TSHZ2: variants seen among roughly 807,000 people sequenced by gnomAD.
TSHZ2 encodes teashirt homolog 2.
A neutral mutation model predicts 74.4 loss-of-function variants in TSHZ2; 21 were observed. The observed-to-expected ratio is 0.28, with a 90% confidence interval of 0.20 to 0.41. The LOEUF (loss-of-function observed/expected upper bound fraction) is 0.41. Among genes scored for constraint, TSHZ2 ranks in the 10% least tolerant of loss-of-function variants. The pLI, the probability that TSHZ2 is intolerant of heterozygous loss-of-function variation, is 1.00. For synonymous variants in TSHZ2, 540 were observed against 515.3 expected (o/e 1.05, Z -0.65); for missense variants, 1,244 against 1,293.5 (o/e 0.96, Z 0.59).
chr20:53,267,866 T>C (rs1447717591), intron 2 of TSHZ2, among the ~76,000 whole-genome samples: 4 of 152,198 alleles, frequency 2.6e-5, no homozygotes, highest in African/African-American at 9.6e-5. Flanking sequence ...AAATAGGCAT[T>C]TTTATTACTA....
chr20:53,165,272 C>G (rs1173556623), intron 1 of TSHZ2, among the ~76,000 whole-genome samples: 1 of 152,180 alleles, frequency 6.6e-6, no homozygotes, highest in Admixed American at 6.5e-5. Flanking sequence ...AGGCAAGTGT[C>G]ACTAATTTTT....
At position 53,488,281 on chromosome 20, in the gene TSHZ2, T is replaced by C. The variant is rs769458116; in HGVS notation, c.*1146T>C. 1 of 152,246 alleles carries C rather than the reference T, an allele frequency of 6.6e-6. No homozygotes were observed. The highest frequency in any genetic ancestry group is 2.1e-4 in the South Asian group (1 of 4,830). 9.4% of individuals were successfully genotyped at this position (152,246 alleles called of 1,614,324 possible). A position where few individuals can be genotyped will look rare whatever the true frequency, so the allele number is the denominator to read the frequency against. On this transcript the variant is annotated 3_prime_UTR_variant, in exon 3 of 3. Transcript: ENST00000371497. ...ACGTAAAAATTCCAATAGAACTGTA[T>C]TAGATTTTCTCCATTAAATTAACGT...
chr20:53,439,553 G>T (rs888341763), intron 2 of TSHZ2, among the ~76,000 whole-genome samples: 1 of 152,168 alleles, frequency 6.6e-6, no homozygotes, highest in African/African-American at 2.4e-5. Flanking sequence ...AGGAGATAAG[G>T]ACAGGAACAC....
intron 1 of TSHZ2, among the ~76,000 whole-genome samples, chr20:53,028,416 G>A (rs1049019235): frequency 9.9e-5 from 15 of 152,204 alleles, no homozygotes; most frequent in African/African-American, 3.1e-4. Context: ...ACCCGGTGGC[G>A]GGAACCCTGG....
intron 1 of TSHZ2, among the ~76,000 whole-genome samples, chr20:53,228,779 C>T (rs564972813): frequency 6.6e-6 from 1 of 151,862 alleles, no homozygotes; most frequent in African/African-American, 2.4e-5. Flanking sequence ...CACCACCTCC[C>T]GAGTTGAGAC....
chr20:53,078,886 G>A (rs1049940751), intron 1 of TSHZ2, among the ~76,000 whole-genome samples: 5 of 152,266 alleles, frequency 3.3e-5, no homozygotes, highest in African/African-American at 1.2e-4. Flanking sequence ...TCAAGAGTTA[G>A]GGAGAAGACC....
At chr20:53,099,339 C>T (rs1446837027) in intron 1 of TSHZ2, among the ~76,000 whole-genome samples, 1 of 152,156 alleles carries the variant, frequency 6.6e-6, no homozygotes, top group Non-Finnish European at 1.5e-5. Flanking sequence ...AGAGGGCCTT[C>T]CCTGTTGCCA....
intron 1 of TSHZ2, among the ~76,000 whole-genome samples, chr20:53,098,345 C>T (rs1425134810): frequency 1.3e-5 from 2 of 152,178 alleles, no homozygotes; most frequent in African/African-American, 2.4e-5. Flanking sequence ...CTTTGTAAAA[C>T]ATTTAGCACA....
intron 2 of TSHZ2, among the ~76,000 whole-genome samples, chr20:53,371,630 C>T (rs895846647): frequency 9.8e-5 from 15 of 152,316 alleles, no homozygotes; most frequent in African/African-American, 3.6e-4. Flanking sequence ...AATCCCAGCA[C>T]TTTGGGAGGC....
chr20:53,004,872 C>T (rs906200014), intron 1 of TSHZ2, among the ~76,000 whole-genome samples: 2 of 152,066 alleles, frequency 1.3e-5, no homozygotes, highest in East Asian at 3.8e-4. Context: ...GAGGTAGATA[C>T]CATCATTATT....
Position 53,074,957 on chromosome 20 carries a change from G to A in TSHZ2, c.40+101624G>A, listed in dbSNP as rs1013312777. 1.3e-5 allele frequency among the ~76,000 whole-genome samples: 2 copies of A among 152,202 alleles called. No homozygotes were observed. Among genetic ancestry groups the A allele is most frequent in the African/African-American group, 4.8e-5 (2 of 41,460 alleles). ...TCAGTGTTTTTCCCACTCAACCACAGATGTTTTATGTCCTCTTTTGTCGCT... is the reference window on the plus strand; with the variant it reads ...TCAGTGTTTTTCCCACTCAACCACAAATGTTTTATGTCCTCTTTTGTCGCT... On this transcript the variant is annotated intron_variant, in intron 1 of 2. Transcript: ENST00000371497. The surrounding 1 kb of genome is among the most constrained non-coding windows in gnomAD (Gnocchi z 5.9).
chr20:53,262,960 C>T (rs567014044), intron 2 of TSHZ2, among the ~76,000 whole-genome samples: 1 of 152,166 alleles, frequency 6.6e-6, no homozygotes, highest in Admixed American at 6.5e-5. Flanking sequence ...CCTCCAGAAG[C>T]GAAGTTCTGG....
chr20:53,306,618 T>G (rs1600801750), intron 2 of TSHZ2, among the ~76,000 whole-genome samples: 1 of 152,240 alleles, frequency 6.6e-6, no homozygotes, highest in Non-Finnish European at 1.5e-5. Context: ...TTAAATGATT[T>G]GCCGACATGG....
At chr20:53,172,455 A>G (rs761054052) in intron 1 of TSHZ2, among the ~76,000 whole-genome samples, 14 of 152,186 alleles carry the variant, frequency 9.2e-5, no homozygotes, top group Non-Finnish European at 1.6e-4. Flanking sequence ...ATGTCTTAGG[A>G]AAATTCTAGT....
intron 2 of TSHZ2, among the ~76,000 whole-genome samples, chr20:53,463,996 G>A (rs115414943): frequency 0.017 from 2,608 of 152,332 alleles, 76 homozygotes; most frequent in African/African-American, 0.06. Flanking sequence ...CAGTGCGTAA[G>A]CCTGAGCCTC....
At chr20:53,476,264 A>C (rs891589581) in intron 2 of TSHZ2, among the ~76,000 whole-genome samples, 1 of 142,490 alleles carries the variant, frequency 7.0e-6, no homozygotes, top group Non-Finnish European at 1.5e-5. Context: ...TCCTCAATAA[A>C]ATACTGGCAA....
chr20:53,220,904 A>G (rs1234498352), intron 1 of TSHZ2, among the ~76,000 whole-genome samples: 1 of 152,242 alleles, frequency 6.6e-6, no homozygotes, highest in Non-Finnish European at 1.5e-5. Flanking sequence ...AAGCTCAGAG[A>G]TTGCCATCTG....
chr20:53,293,700 C>CAAAAA (rs11476117), intron 2 of TSHZ2, among the ~76,000 whole-genome samples: 1 of 120,238 alleles, frequency 8.3e-6, no homozygotes, highest in Non-Finnish European at 1.7e-5. Flanking sequence ...AACTGGCTCT[C>CAAAAA]AAAAAAAAAA....
At chr20:53,422,404 A>G (rs1983507148) in intron 2 of TSHZ2, among the ~76,000 whole-genome samples, 1 of 152,200 alleles carries the variant, frequency 6.6e-6, no homozygotes, top group Non-Finnish European at 1.5e-5. Context: ...GATTCTTATC[A>G]GATCCATGTG....
Sources: gnomAD v4.1 joint callset for allele counts (sites outside exome capture counted in the v4.1 genomes callset) on GRCh38, gnomAD v4.1.1 for gene constraint, Gnocchi (gnomAD v3.1) non-coding constraint, MANE v1.5 for transcripts, NCBI Gene and HGNC (gene_info 2026-07-23, HGNC 2026-07-21) for gene names.